Variants in SLC39A11 observed in about 807,000 individuals in gnomAD.
SLC39A11 encodes the protein solute carrier family 39 member 11.
A neutral mutation model predicts 36.1 loss-of-function variants in SLC39A11; 33 were observed. That is an observed-to-expected ratio of 0.91 (90% CI 0.69 to 1.22). SLC39A11 has a LOEUF of 1.22. SLC39A11 is among the 50% of genes most tolerant of loss of function. The pLI is 0.00. For synonymous variants in SLC39A11, 166 were observed against 170.3 expected (o/e 0.97, Z 0.20); for missense variants, 432 against 430.3 (o/e 1.00, Z -0.03).
At chr17:72,806,873 G>A (rs1257840369) in intron 6 of SLC39A11, among the ~76,000 whole-genome samples, 13 of 152,158 alleles carry the variant, frequency 8.5e-5, no homozygotes, top group African/African-American at 2.2e-4. Flanking sequence ...GTGAGCCACC[G>A]TGCTCAGCCT....
At chr17:73,062,632 G>A (rs2059883434) in intron 3 of SLC39A11, among the ~76,000 whole-genome samples, 1 of 151,994 alleles carries the variant, frequency 6.6e-6, no homozygotes, top group Non-Finnish European at 1.5e-5. Context: ...AAAAGCTAAT[G>A]CTATGACAGT....
chr17:73,001,264 T>TAGCC (rs1486271990), intron 4 of SLC39A11, among the ~76,000 whole-genome samples: 1 of 151,444 alleles, frequency 6.6e-6, no homozygotes, highest in African/African-American at 2.4e-5. Flanking sequence ...TCCAGTTAGT[T>TAGCC]AGCCATTTGT....
intron 4 of SLC39A11, among the ~76,000 whole-genome samples, chr17:73,026,200 G>GGAAGAGAAGAGAAGAGAAGA (rs763842495): frequency 7.9e-6 from 1 of 126,922 alleles, no homozygotes; most frequent in Non-Finnish European, 1.6e-5. Flanking sequence ...AGAAGAGAAG[G>GGAAGAGAAGAGAAGAGAAGA]GAAGAGAAGA....
intron 7 of SLC39A11, among the ~76,000 whole-genome samples, chr17:72,672,439 ACT>A (rs552685277): frequency 2.6e-5 from 4 of 152,070 alleles, no homozygotes; most frequent in Non-Finnish European, 4.4e-5. Context: ...ACAGAGTGAA[ACT>A]CTGTCTCAAA....
chr17:72,647,987 T>C (rs893684598), intron 9 of SLC39A11, among the ~76,000 whole-genome samples: 1 of 152,112 alleles, frequency 6.6e-6, no homozygotes, highest in Admixed American at 6.5e-5. Context: ...TTCTTAAAGA[T>C]ATTACTTAAT....
At chr17:72,743,199 G>T (rs186000070) in intron 6 of SLC39A11, among the ~76,000 whole-genome samples, 31 of 152,264 alleles carry the variant, frequency 2.0e-4, no homozygotes, top group Admixed American at 4.6e-4. Context: ...CAGCTGGGGG[G>T]GCTAGAGCTG....
chr17:73,041,665 G>A (rs941577861), intron 3 of SLC39A11, among the ~76,000 whole-genome samples: 8 of 152,194 alleles, frequency 5.3e-5, no homozygotes, highest in East Asian at 3.8e-4. Context: ...AATCCAATGC[G>A]AGTAAAGAAT....
chr17:73,037,110 C>G (rs1022906137), intron 3 of SLC39A11, among the ~76,000 whole-genome samples: 2 of 152,182 alleles, frequency 1.3e-5, no homozygotes, highest in Admixed American at 6.5e-5. Flanking sequence ...GGATGTACCA[C>G]AGTTTATCTG....
At chr17:73,091,389 A>C (rs2060918816) in intron 1 of SLC39A11, among the ~76,000 whole-genome samples, 1 of 152,116 alleles carries the variant, frequency 6.6e-6, no homozygotes, top group Admixed American at 6.6e-5. Context: ...GGTTGCAGTG[A>C]GCCGAGATCG....
chr17:72,676,550 GA>G lies in SLC39A11; in HGVS notation c.672-27283del, dbSNP rs562264746. 4.1e-3 allele frequency among the ~76,000 whole-genome samples: 628 copies of G among 152,236 alleles called. 1 individual carries two copies. The highest frequency in any genetic ancestry group is 6.1e-3 in the Non-Finnish European group (418 of 68,022). On this transcript the variant is annotated intron_variant, in intron 7 of 9. Transcript: ENST00000255559. Reference sequence around the variant, plus strand: ...TCATCACAATCAGCAGCAGCATGCAGAAAGAGTAAACATAGCAGGTGTGAGA... The same window carrying G: ...TCATCACAATCAGCAGCAGCATGCAGAAGAGTAAACATAGCAGGTGTGAGA...
intron 7 of SLC39A11, among the ~76,000 whole-genome samples, chr17:72,695,792 C>T (rs139427263): frequency 4.9e-4 from 75 of 152,156 alleles, no homozygotes; most frequent in African/African-American, 1.5e-3. Context: ...AGACAGAGAC[C>T]GGAATGATGC....
intron 4 of SLC39A11, among the ~76,000 whole-genome samples, chr17:73,016,408 A>C (rs1385215402): frequency 1.3e-5 from 2 of 151,298 alleles, no homozygotes; most frequent in East Asian, 2.0e-4. Flanking sequence ...ATCTCAGCTC[A>C]CTGCAACCTC....
chr17:73,009,159 C>G (rs867373269), intron 4 of SLC39A11, among the ~76,000 whole-genome samples: 1 of 151,196 alleles, frequency 6.6e-6, no homozygotes, highest in African/African-American at 2.4e-5. Flanking sequence ...GTCAGGAGAT[C>G]GAACCCATCC....
intron 6 of SLC39A11, among the ~76,000 whole-genome samples, chr17:72,752,820 C>T (rs997629799): frequency 1.3e-5 from 2 of 152,140 alleles, no homozygotes; most frequent in Middle Eastern, 3.2e-3. Context: ...AAGCTCTCAA[C>T]AATTTCATCT....
chr17:73,068,301 A>G, intron 3 of SLC39A11: 2 of 635,744 alleles, frequency 3.1e-6, no homozygotes, highest in Non-Finnish European at 5.6e-6. Flanking sequence ...TTGCTTGGAG[A>G]GACTCCGGGG....
chr17:72,872,395 T>G (rs1051764200), intron 5 of SLC39A11, among the ~76,000 whole-genome samples: 1 of 152,082 alleles, frequency 6.6e-6, no homozygotes, highest in African/African-American at 2.4e-5. Flanking sequence ...ATTCTCAGAT[T>G]CGACAGACGG....
chr17:72,875,092 G>A (rs1309088139), intron 5 of SLC39A11, among the ~76,000 whole-genome samples: 2 of 152,160 alleles, frequency 1.3e-5, no homozygotes, highest in Non-Finnish European at 2.9e-5. Flanking sequence ...GAGAAAAAGA[G>A]GAGACAGGGT....
At chr17:72,871,439 G>A (rs1238116289) in intron 5 of SLC39A11, among the ~76,000 whole-genome samples, 3 of 152,140 alleles carry the variant, frequency 2.0e-5, no homozygotes, top group Non-Finnish European at 2.9e-5. Context: ...GATGGGGGGC[G>A]CTGTTTGCCA....
chr17:72,842,907 G>A (rs983520743), intron 6 of SLC39A11, among the ~76,000 whole-genome samples: 2 of 152,078 alleles, frequency 1.3e-5, no homozygotes, highest in African/African-American at 4.8e-5. Flanking sequence ...CATTTCAATT[G>A]CACAACTATA....
Sources: gnomAD v4.1 joint callset for allele counts (sites outside exome capture counted in the v4.1 genomes callset) on GRCh38, gnomAD v4.1.1 for gene constraint, MANE v1.5 for transcripts, NCBI Gene and HGNC (gene_info 2026-07-23, HGNC 2026-07-21) for gene names.